The following NAF1 variants were observed in gnomAD, a reference collection of about 807,000 sequenced individuals.
NAF1 encodes the protein nuclear assembly factor 1 ribonucleoprotein, also known as H/ACA ribonucleoprotein complex non-core subunit NAF1.
NAF1 carries 11 observed loss-of-function variants against 40.6 expected under a neutral mutation model. The ratio of observed to expected loss-of-function variants is 0.27; its 90% confidence interval spans 0.17 to 0.45. NAF1 has a LOEUF of 0.45. NAF1 is among the 20% of genes least tolerant of loss of function. NAF1 has a pLI of 1.00. For synonymous variants in NAF1, 260 were observed against 228.5 expected (o/e 1.14, Z -1.24); for missense variants, 607 against 611.1 (o/e 0.99, Z 0.07).
At chr4:163,109,093 G>A (rs538349182), downstream of NAF1, among the ~76,000 whole-genome samples, 45 of 151,458 alleles carry the variant, frequency 3.0e-4, no homozygotes, top group Admixed American at 1.2e-3. Flanking sequence ...TTTCAGTGAG[G>A]AGCAGAAACA....
chr4:163,110,383 T>C, intron 2 of NAF1: 2 of 650,986 alleles, frequency 3.1e-6, no homozygotes, highest in South Asian at 3.5e-5. Context: ...ATTGTCCTAT[T>C]GTATTATTAG....
At chr4:163,143,776 C>A (rs1216317036) in intron 4 of NAF1, among the ~76,000 whole-genome samples, 1 of 152,144 alleles carries the variant, frequency 6.6e-6, no homozygotes, top group African/African-American at 2.4e-5. Flanking sequence ...CAGCTTTGGG[C>A]TAAACTGCCA....
chr4:163,135,422 A>G (rs1372808505), intron 6 of NAF1: 3 of 152,350 alleles, frequency 2.0e-5, no homozygotes, highest in East Asian at 1.9e-4. Flanking sequence ...AGTCAAACCA[A>G]TTTTACAAAT....
In NAF1 at chr4:163,166,761, T is replaced by C. The variant is rs368739105; in HGVS notation, c.-34A>G. On this transcript the variant is annotated 5_prime_UTR_variant, in exon 1 of 8. Coordinates refer to ENST00000274054, the MANE Select transcript of NAF1 (RefSeq NM_138386.3). ...GCCAGAAACCGGGTCGGCCTCAGGA[T>C]TGGGGCCCCTGGACAAGCTCACGGC... The C allele has an allele frequency of 1.2e-4, 193 of 1,611,298 alleles. No homozygotes were observed. Among genetic ancestry groups the C allele is most frequent in the Middle Eastern group, 8.3e-4 (5 of 6,032 alleles).
chr4:163,137,140 T>G (rs1731090271), intron 6 of NAF1, 59 bp downstream of exon 6: 3 of 1,587,914 alleles, frequency 1.9e-6, no homozygotes, highest in Non-Finnish European at 2.6e-6. Flanking sequence ...ATGATAAAAT[T>G]TATAAGATTA....
At chr4:163,133,114 A>G (rs1170853368) in intron 7 of NAF1, 40 bp downstream of exon 7, 2 of 1,479,430 alleles carry the variant, frequency 1.4e-6, no homozygotes, top group South Asian at 1.1e-5. Context: ...ATAGATGTAA[A>G]TGAAGATAAA....
downstream of NAF1, chr4:163,127,145 T>C (rs1206423624): frequency 1.9e-6 from 3 of 1,545,692 alleles, no homozygotes; most frequent in Non-Finnish European, 2.6e-6. Flanking sequence ...AGATTTTTAC[T>C]TTGAGATGGA....
chr4:163,119,297 A>C (rs1434938073), intron 2 of NAF1: 1 of 152,206 alleles, frequency 6.6e-6, no homozygotes, highest in African/African-American at 2.4e-5. Context: ...CAGACCATTA[A>C]ATTTGTTAAG....
At chr4:163,164,931 A>C (rs140690430) in intron 1 of NAF1, among the ~76,000 whole-genome samples, 6 of 152,296 alleles carry the variant, frequency 3.9e-5, no homozygotes, top group African/African-American at 1.4e-4. Flanking sequence ...AACAGCAACC[A>C]CTGTCTCAGT....
chr4:163,124,705 G>A (rs1730605298), downstream of NAF1, among the ~76,000 whole-genome samples: 1 of 152,150 alleles, frequency 6.6e-6, no homozygotes, highest in South Asian at 2.1e-4. Flanking sequence ...AGACCTAAGT[G>A]GTTAAGACAC....
chr4:163,162,871 G>A (rs1732282664), intron 2 of NAF1, among the ~76,000 whole-genome samples: 1 of 152,114 alleles, frequency 6.6e-6, no homozygotes, highest in Non-Finnish European at 1.5e-5. Context: ...ACTTGTTCTT[G>A]GACTCCTTGT....
At chr4:163,144,039 C>T (rs887344570) in intron 4 of NAF1, 9 of 976,580 alleles carry the variant, frequency 9.2e-6, no homozygotes, top group Non-Finnish European at 1.1e-5. Context: ...ATACAGAGTC[C>T]TCTAGAAAAT....
chr4:163,115,861 T>C (rs1426851578), intron 2 of NAF1, among the ~76,000 whole-genome samples: 1 of 152,220 alleles, frequency 6.6e-6, no homozygotes, highest in Non-Finnish European at 1.5e-5. Flanking sequence ...ATCTTGCAGC[T>C]GTTTTGCATA....
At chr4:163,140,815 T>C (rs986077828) in intron 4 of NAF1, among the ~76,000 whole-genome samples, 2 of 152,244 alleles carry the variant, frequency 1.3e-5, no homozygotes, top group African/African-American at 4.8e-5. Context: ...CTGACTTCAA[T>C]AGGAGTTAAA....
At chr4:163,109,505 G>C (rs61354510), downstream of NAF1, among the ~76,000 whole-genome samples, 1 of 151,920 alleles carries the variant, frequency 6.6e-6, no homozygotes, top group African/African-American at 2.4e-5. Flanking sequence ...TTATTTTCTA[G>C]TGTCTAAAAT....
intron 2 of NAF1, among the ~76,000 whole-genome samples, chr4:163,163,936 A>T (rs935034125): frequency 6.6e-6 from 1 of 152,172 alleles, no homozygotes; most frequent in African/African-American, 2.4e-5. Flanking sequence ...CATAAGAAAT[A>T]TCTTCTTCTA....
intron 2 of NAF1, among the ~76,000 whole-genome samples, chr4:163,153,674 T>C (rs1199727298): frequency 6.6e-6 from 1 of 152,156 alleles, no homozygotes; most frequent in Admixed American, 6.5e-5. Flanking sequence ...AGAACCTTTG[T>C]ATCTAGCTCA....
the NAF1 span, among the ~76,000 whole-genome samples, chr4:163,104,513 C>T: frequency 6.6e-6 from 1 of 152,134 alleles, no homozygotes; most frequent in African/African-American, 2.4e-5. Context: ...CCTATGATCT[C>T]ATTTTGTTTC....
chr4:163,118,616 G>A (rs945745144), intron 2 of NAF1, among the ~76,000 whole-genome samples: 21 of 152,186 alleles, frequency 1.4e-4, no homozygotes, highest in African/African-American at 4.6e-4. Flanking sequence ...AGCCGGGCGT[G>A]GTGGCACATG....
Sources: gnomAD v4.1 joint callset for allele counts (sites outside exome capture counted in the v4.1 genomes callset) on GRCh38, gnomAD v4.1.1 for gene constraint, MANE v1.5 for transcripts, NCBI Gene and HGNC (gene_info 2026-07-23, HGNC 2026-07-21) for gene names.